FGGY: variants seen among roughly 807,000 people sequenced by gnomAD.
The protein encoded by FGGY is FGGY carbohydrate kinase domain-containing protein.
FGGY carries 72 observed loss-of-function variants against 71.3 expected under a neutral mutation model. The observed-to-expected ratio is 1.01, with a 90% CI of 0.84 to 1.23. The LOEUF is 1.23. Ranked by LOEUF, FGGY falls within the 50% of genes most tolerant of loss-of-function variation. The probability of loss-of-function intolerance (pLI) is 0.00; values close to 1 mark genes in which losing one functional copy is unlikely to be tolerated. For missense variants in FGGY, 668 were observed against 682.3 expected, an observed-to-expected ratio of 0.98 and a Z score of 0.23; for synonymous variants, 251 against 250.3, an observed-to-expected ratio of 1.00 and a Z score of -0.02.
chr1:59,679,683 A>C (rs2097476198), intron 14 of FGGY, among the ~76,000 whole-genome samples: 1 of 152,098 alleles, frequency 6.6e-6, no homozygotes, highest in Non-Finnish European at 1.5e-5. Context: ...ATATTTTAAA[A>C]TCATTTTATA....
At chr1:59,537,020 T>G (rs557174687) in intron 7 of FGGY, among the ~76,000 whole-genome samples, 22 of 151,986 alleles carry the variant, frequency 1.4e-4, no homozygotes, top group African/African-American at 2.2e-4. Flanking sequence ...GAGAAGGAAA[T>G]AAAGGGTATT....
chr1:59,512,447 C>A lies in FGGY; in HGVS notation c.799+8C>A. On this transcript the variant is annotated splice_region_variant and intron_variant, in intron 7 of 15. Coordinates refer to ENST00000303721, the MANE Select transcript of FGGY (RefSeq NM_018291.5). ...CCCATGCAGGAGGACTAGGTAATCT[C>A]TTATTTGTTGCCTACAGCCAAAACC... is the stretch of plus-strand genomic sequence containing the variant. 1 of 1,611,646 alleles carries A rather than the reference C, an allele frequency of 6.2e-7. No homozygotes were observed. Among genetic ancestry groups the A allele is most frequent in the Non-Finnish European group, 8.5e-7 (1 of 1,178,730 alleles).
At chr1:59,324,299 C>T (rs558386254) in intron 2 of FGGY, among the ~76,000 whole-genome samples, 7 of 90,814 alleles carry the variant, frequency 7.7e-5, no homozygotes, top group South Asian at 4.0e-4. Flanking sequence ...TTTTTTGAGA[C>T]GGAGTCTCGC....
At chr1:59,423,694 T>C (rs1288154629) in intron 5 of FGGY, among the ~76,000 whole-genome samples, 2 of 152,198 alleles carry the variant, frequency 1.3e-5, no homozygotes, top group Admixed American at 1.3e-4. Flanking sequence ...GGTCTGGCCC[T>C]GTTTCTCCGC....
intron 14 of FGGY, among the ~76,000 whole-genome samples, chr1:59,752,904 G>A (rs1282784967): frequency 6.6e-6 from 1 of 152,174 alleles, no homozygotes; most frequent in African/African-American, 2.4e-5. Context: ...CAGAAGTGAT[G>A]ATCAAATGTG....
chr1:59,588,885 C>A lies in FGGY; in HGVS notation c.904-18918C>A, dbSNP rs1023349446. ...GCTAGGAGGAAACTGCATCAACTAACGAGCAATATAACCAGCTAACATCAA... is the reference window on the plus strand; with the variant it reads ...GCTAGGAGGAAACTGCATCAACTAAAGAGCAATATAACCAGCTAACATCAA... On this transcript the variant is annotated intron_variant, in intron 8 of 15. Transcript: ENST00000303721. Among the ~76,000 whole-genome samples, 10 of 152,286 alleles carry A rather than the reference C, an allele frequency of 6.6e-5. No individual in the cohort carries two copies. In the East Asian group the frequency reaches 1.9e-3, roughly 29 times the overall value.
intron 11 of FGGY, among the ~76,000 whole-genome samples, chr1:59,654,975 A>T (rs535154219): frequency 1.3e-5 from 2 of 151,782 alleles, no homozygotes; most frequent in South Asian, 2.1e-4. Context: ...GAGTCCCCCC[A>T]CTCTGTGTCC....
intron 5 of FGGY, among the ~76,000 whole-genome samples, chr1:59,389,740 G>A (rs2060484594): frequency 6.6e-6 from 1 of 152,008 alleles, no homozygotes; most frequent in Admixed American, 6.6e-5. Context: ...ATCCTCCCCA[G>A]CTCTTATTTC....
At chr1:59,421,523 C>T in intron 5 of FGGY, among the ~76,000 whole-genome samples, 1 of 146,414 alleles carries the variant, frequency 6.8e-6, no homozygotes, top group South Asian at 2.3e-4. Context: ...CTCTCCTTTT[C>T]TCCTTCCCTC....
intron 7 of FGGY, among the ~76,000 whole-genome samples, chr1:59,537,233 A>C (rs1445575458): frequency 2.0e-5 from 3 of 151,932 alleles, no homozygotes; most frequent in African/African-American, 7.3e-5. Context: ...ATCATGAGTG[A>C]ACTCCCATTC....
At chr1:59,309,671 C>T (rs925451497) in intron 1 of FGGY, among the ~76,000 whole-genome samples, 5 of 152,120 alleles carry the variant, frequency 3.3e-5, no homozygotes, top group South Asian at 2.1e-4. Flanking sequence ...CTTTCACCTT[C>T]GGCCTTAAAG....
chr1:59,704,084 G>A (rs560143681), intron 14 of FGGY, among the ~76,000 whole-genome samples: 1 of 152,272 alleles, frequency 6.6e-6, no homozygotes, highest in East Asian at 1.9e-4. Context: ...CTCTGAGTAT[G>A]TGCGCTAGAC....
intron 5 of FGGY, among the ~76,000 whole-genome samples, chr1:59,404,586 T>C (rs1557817748): frequency 1.3e-5 from 2 of 152,126 alleles, no homozygotes; most frequent in Non-Finnish European, 2.9e-5. Context: ...AAGGCAGTAG[T>C]TGGCCTCCCA....
intron 14 of FGGY, among the ~76,000 whole-genome samples, chr1:59,753,607 T>A (rs2098265938): frequency 6.8e-6 from 1 of 147,554 alleles, no homozygotes; most frequent in African/African-American, 2.5e-5. Flanking sequence ...GAAAAAAAAA[T>A]TGTTACCCAT....
intron 6 of FGGY, 137 bp from the exon 7 acceptor site, chr1:59,512,174 T>C (rs938085325): frequency 4.4e-6 from 4 of 916,508 alleles, no homozygotes; most frequent in East Asian, 2.9e-5. Flanking sequence ...AAAGGGACTC[T>C]TGATGACTGC....
chr1:59,666,979 C>G (rs924876807), intron 12 of FGGY, among the ~76,000 whole-genome samples: 1 of 152,204 alleles, frequency 6.6e-6, no homozygotes, highest in Admixed American at 6.5e-5. Context: ...TTTGAATGAA[C>G]TATGTTACCA....
At chr1:59,660,843 T>G (rs193130277) in intron 12 of FGGY, among the ~76,000 whole-genome samples, 130 of 152,312 alleles carry the variant, frequency 8.5e-4, no homozygotes, top group African/African-American at 3.0e-3. Context: ...AATGAAATCC[T>G]AAAAGCTTAA....
intron 6 of FGGY, among the ~76,000 whole-genome samples, chr1:59,482,758 A>C (rs2093533646): frequency 6.6e-6 from 1 of 152,076 alleles, no homozygotes. Flanking sequence ...TGAAGCTCAG[A>C]GAGGTGAAAT....
chr1:59,468,258 A>C (rs1230774004), intron 6 of FGGY, among the ~76,000 whole-genome samples: 2 of 152,232 alleles, frequency 1.3e-5, no homozygotes, highest in African/African-American at 4.8e-5. Flanking sequence ...GAATTAAATA[A>C]TACTACTAGC....
Sources: allele counts gnomAD v4.1 joint callset (sites outside exome capture counted in the v4.1 genomes callset), GRCh38; gene constraint gnomAD v4.1.1; transcripts MANE v1.5; gene names NCBI Gene and HGNC (gene_info 2026-07-23, HGNC 2026-07-21).